SLC7A2: variants seen among roughly 807,000 people sequenced by gnomAD.
SLC7A2 encodes the protein solute carrier family 7 member 2.
SLC7A2 carries 48 observed loss-of-function variants against 58.9 expected under a neutral mutation model. The observed-to-expected ratio is 0.82, with a 90% CI of 0.65 to 1.04. SLC7A2 has a LOEUF of 1.04. Ranked by LOEUF, SLC7A2 falls within the 50% of genes least tolerant of loss-of-function variation. The pLI is 0.00. For synonymous variants in SLC7A2, 363 were observed against 314.5 expected (o/e 1.15, Z -1.63); for missense variants, 1,029 against 818.8 (o/e 1.26, Z -3.13).
chr8:17,511,896 C>T (rs1251644628), intron 2 of SLC7A2, among the ~76,000 whole-genome samples: 1 of 152,160 alleles, frequency 6.6e-6, no homozygotes, highest in Admixed American at 6.5e-5. Flanking sequence ...CCTCCTAACA[C>T]ACTGACACTA....
intron 2 of SLC7A2, among the ~76,000 whole-genome samples, chr8:17,505,155 T>G: frequency 6.7e-6 from 1 of 150,340 alleles, no homozygotes; most frequent in Non-Finnish European, 1.5e-5. Flanking sequence ...ATGTAAACTG[T>G]GCCTCTTCCC....
Position 17,563,608 on chromosome 8 carries a change from A to T in SLC7A2, c.1677A>T (p.Pro559=). ...QNQQKVAFMV[P]FLPFLPAFSI... is the part of the protein sequence containing the mutation. ...AGGATTGTTTTCCCCCTCAGGTTCCATTCTTACCATTTTTGCCAGCGTTCA... is the reference window on the plus strand; with the variant it reads ...AGGATTGTTTTCCCCCTCAGGTTCCTTTCTTACCATTTTTGCCAGCGTTCA... Residue 559 remains proline, a synonymous_variant, in exon 12 of 13, where the codon CCA becomes CCT. Transcript: ENST00000494857. The T allele has an allele frequency of 6.2e-7, 1 of 1,602,874 alleles. No homozygotes were observed. Among genetic ancestry groups the T allele is most frequent in the Non-Finnish European group, 8.5e-7 (1 of 1,170,646 alleles).
At chr8:17,527,020 A>G (rs1801248004) in intron 2 of SLC7A2, among the ~76,000 whole-genome samples, 1 of 152,110 alleles carries the variant, frequency 6.6e-6, no homozygotes, top group Non-Finnish European at 1.5e-5. Flanking sequence ...TCTTGGTGGC[A>G]TGCCATGGTA....
At chr8:17,539,600 C>T (rs1341346453) in intron 2 of SLC7A2, among the ~76,000 whole-genome samples, 1 of 152,142 alleles carries the variant, frequency 6.6e-6, no homozygotes. Flanking sequence ...TGATCAGAGC[C>T]TTATATTCTA....
intron 2 of SLC7A2, among the ~76,000 whole-genome samples, chr8:17,507,196 C>T (rs192511325): frequency 5.8e-4 from 88 of 152,212 alleles, no homozygotes; most frequent in African/African-American, 2.0e-3. Flanking sequence ...CCACCCGCTT[C>T]GGCCCCACAA....
intron 1 of SLC7A2, chr8:17,498,852 G>A (rs938267271): frequency 2.0e-5 from 3 of 152,320 alleles, no homozygotes; most frequent in Non-Finnish European, 1.5e-5. Flanking sequence ...ACTGGGCTTA[G>A]GAGCCTGGGA....
At chr8:17,539,051 A>G (rs1211083604) in intron 2 of SLC7A2, 21 of 767,940 alleles carry the variant, frequency 2.7e-5, no homozygotes, top group Non-Finnish European at 2.8e-5. Context: ...CTTTTGAACT[A>G]AAGTGAAAAT....
chr8:17,514,663 T>C (rs1044053785), intron 2 of SLC7A2, among the ~76,000 whole-genome samples: 1 of 152,194 alleles, frequency 6.6e-6, no homozygotes, highest in Admixed American at 6.5e-5. Context: ...CACAGTCATT[T>C]CTTAGGCTAG....
upstream of SLC7A2, among the ~76,000 whole-genome samples, chr8:17,495,225 G>A (rs1193825170): frequency 6.6e-6 from 1 of 152,162 alleles, no homozygotes. Context: ...ACCGCCCTGA[G>A]CCACCGCGAC....
intron 2 of SLC7A2, chr8:17,539,024 C>A: frequency 1.0e-6 from 1 of 985,950 alleles, no homozygotes; most frequent in Non-Finnish European, 1.6e-6. Context: ...TTCTAAGTGA[C>A]TCAATGCAAC....
chr8:17,500,398 G>C (rs1319329090), intron 1 of SLC7A2: 1 of 152,108 alleles, frequency 6.6e-6, no homozygotes, highest in Non-Finnish European at 1.5e-5. Context: ...TGGTGTTTGT[G>C]GTTATGGAAA....
intron 2 of SLC7A2, among the ~76,000 whole-genome samples, chr8:17,525,315 A>G (rs1192120410): frequency 6.6e-6 from 1 of 152,202 alleles, no homozygotes; most frequent in Non-Finnish European, 1.5e-5. Flanking sequence ...CTTGCCTGTC[A>G]TAACCATTTC....
At chr8:17,514,500 G>A (rs74865732) in intron 2 of SLC7A2, among the ~76,000 whole-genome samples, 4,495 of 152,276 alleles carry the variant, frequency 0.03, 265 homozygotes, top group South Asian at 0.21. Flanking sequence ...ATGGGGAAAT[G>A]CACAGCAGCC....
rs1247663714 is a variant in SLC7A2 at position 17,554,581 on chromosome 8, A to G, written c.1077A>G (p.Pro359=). Reference sequence around the variant, plus strand: ...TCAGTCTTCTTGGATCCATTTTCCCAATGCCTCGTGTAATCTATGCTATGG... The same window carrying G: ...TCAGTCTTCTTGGATCCATTTTCCCGATGCCTCGTGTAATCTATGCTATGG... ...LSTSLLGSIF[P]MPRVIYAMAE... Residue 359 remains proline (P), a synonymous_variant, in exon 8 of 13, where the codon CCA becomes CCG. Transcript: ENST00000494857. The G allele has an allele frequency of 6.2e-7, 1 of 1,605,116 alleles. No homozygotes were observed. The highest frequency in any genetic ancestry group is 1.3e-5 in the African/African-American group (1 of 74,628).
At chr8:17,502,386 G>C (rs1387842120) in intron 2 of SLC7A2, 84 bp downstream of exon 2, 1 of 152,114 alleles carries the variant, frequency 6.6e-6, no homozygotes, top group Non-Finnish European at 1.5e-5. Context: ...GGAAAGATTT[G>C]TGCCTATTCC....
chr8:17,545,853 C>T (rs982915104), intron 4 of SLC7A2, among the ~76,000 whole-genome samples: 2 of 152,150 alleles, frequency 1.3e-5, no homozygotes, highest in African/African-American at 4.8e-5. Flanking sequence ...TCTCTGTTTT[C>T]TCCCTTGTTA....
At chr8:17,518,726 A>T (rs1408831292) in intron 2 of SLC7A2, among the ~76,000 whole-genome samples, 1 of 152,226 alleles carries the variant, frequency 6.6e-6, no homozygotes, top group African/African-American at 2.4e-5. Context: ...ATATTCATTT[A>T]TGGAGAGTCA....
At chr8:17,562,151 A>ATTT in intron 11 of SLC7A2, 41 bp downstream of exon 11, 1 of 1,203,752 alleles carries the variant, frequency 8.3e-7, no homozygotes, top group Non-Finnish European at 1.1e-6. Flanking sequence ...TACTGTATTC[A>ATTT]TTTTCTCTGT....
In SLC7A2 at chr8:17,560,590, C is replaced by G. The variant is rs551576941; in HGVS notation, c.1504+57C>G. On this transcript the variant is annotated intron_variant, in intron 10 of 12. Coordinates refer to ENST00000494857, the MANE Select transcript of SLC7A2 (RefSeq NM_001370338.1). ...ACCCAGAAGATGTGTGTGAGTAGAG[C>G]TGGCATGATATGAAAGAGAAAAGAG... is the stretch of plus-strand genomic sequence containing the variant. 9.1e-6 allele frequency: 13 copies of G among 1,424,468 alleles called. No homozygotes were observed. The African/African-American group carries it at 1.1e-4, about 12-fold the overall frequency. The allele number at this position is 1,424,468 out of a possible 1,614,324, so 88.2% of individuals were successfully genotyped here. A position where few individuals can be genotyped will look rare whatever the true frequency, so the allele number is the denominator to read the frequency against.
Sources: allele counts gnomAD v4.1 joint callset (sites outside exome capture counted in the v4.1 genomes callset), GRCh38; gene constraint gnomAD v4.1.1; transcripts MANE v1.5; gene names NCBI Gene and HGNC (gene_info 2026-07-23, HGNC 2026-07-21).